DAB1: variants seen among roughly 807,000 people sequenced by gnomAD.
The protein encoded by DAB1 is DAB adaptor protein 1, also known as disabled homolog 1.
DAB1 carries 15 observed loss-of-function variants against 64.6 expected under a neutral mutation model. That is an observed-to-expected ratio of 0.23 (90% confidence interval 0.16 to 0.36). The LOEUF (loss-of-function observed/expected upper bound fraction) is 0.36. Among genes scored for constraint, DAB1 ranks in the 10% least tolerant of loss-of-function variants. The pLI, the probability that DAB1 is intolerant of heterozygous loss-of-function variation, is 1.00. For missense variants in DAB1, 596 were observed against 706.7 expected, an observed-to-expected ratio of 0.84 and a Z score of 1.78; for synonymous variants, 235 against 251.9, an observed-to-expected ratio of 0.93 and a Z score of 0.64.
chr1:58,015,450 T>C (rs1646725304), intron 5 of DAB1, among the ~76,000 whole-genome samples: 1 of 152,172 alleles, frequency 6.6e-6, no homozygotes, highest in African/African-American at 2.4e-5. Flanking sequence ...CCACAAGCTG[T>C]ACTTCTGATT....
rs76158924 is a variant in DAB1, at chr1:57,214,100, T to A, written c.68-68671A>T. On this transcript the variant is annotated intron_variant, in intron 2 of 14. Coordinates refer to ENST00000371236, the MANE Select transcript of DAB1 (RefSeq NM_001365792.1). ...CAAATACTTGAGACAGGACAATTTATAAAGAACAGACATTTGTTTCTCACA... is the reference window on the plus strand; with the variant it reads ...CAAATACTTGAGACAGGACAATTTAAAAAGAACAGACATTTGTTTCTCACA... 9.5e-3 allele frequency among the ~76,000 whole-genome samples: 1,444 copies of A among 152,290 alleles called. 31 individuals are homozygous for A. The highest frequency in any genetic ancestry group is 0.033 in the African/African-American group (1,379 of 41,558).
Position 57,569,928 on chromosome 1 carries a change from C to G in DAB1, n.625+79664G>C, listed in dbSNP as rs538169881. Among the ~76,000 whole-genome samples the G allele has an allele frequency of 2.6e-5, 4 of 152,102 alleles. No homozygotes were observed. In the South Asian group the frequency reaches 8.3e-4, roughly 32 times the overall value. On this transcript the variant is annotated intron_variant and non_coding_transcript_variant, in intron 7 of 20. Coordinates refer to the DAB1 transcript ENST00000485760. ...TGTATTATGTTAGGTGCAATTACAA[C>G]CTTATTATTGTCTTTATTTGAAGAT...
chr1:58,144,932 C>T (rs576485523), intron 5 of DAB1, among the ~76,000 whole-genome samples: 8 of 152,238 alleles, frequency 5.3e-5, no homozygotes, highest in Admixed American at 2.6e-4. Flanking sequence ...CCTTCTATAG[C>T]TAACAAACAC....
intron 4 of DAB1, among the ~76,000 whole-genome samples, chr1:57,133,044 C>T (rs775688376): frequency 1.3e-5 from 2 of 152,140 alleles, no homozygotes; most frequent in African/African-American, 2.4e-5. Flanking sequence ...CTGGCTTTCC[C>T]ATCTGCCAAA....
At chr1:57,563,696 C>G (rs955352397) in intron 7 of DAB1, among the ~76,000 whole-genome samples, 10 of 152,170 alleles carry the variant, frequency 6.6e-5, no homozygotes, top group African/African-American at 2.4e-4. Flanking sequence ...TCATTGCTAG[C>G]ACAGCAGTCT....
At chr1:57,931,295 G>A (rs1401276821) in intron 5 of DAB1, among the ~76,000 whole-genome samples, 1 of 152,118 alleles carries the variant, frequency 6.6e-6, no homozygotes. Context: ...ATGCTCATGA[G>A]TGATATTGGT....
chr1:57,968,064 T>G (rs761578165), intron 5 of DAB1, among the ~76,000 whole-genome samples: 2 of 152,196 alleles, frequency 1.3e-5, no homozygotes, highest in Non-Finnish European at 2.9e-5. Context: ...TTCCTAGGAC[T>G]CAGCAGATGC....
At chr1:57,245,058 C>T (rs2100493588) in intron 2 of DAB1, among the ~76,000 whole-genome samples, 1 of 152,248 alleles carries the variant, frequency 6.6e-6, no homozygotes, top group Non-Finnish European at 1.5e-5. Flanking sequence ...TTTGGAACTT[C>T]CCAGAGACTT....
chr1:58,511,447 A>G (rs1646075340), intron 2 of DAB1, among the ~76,000 whole-genome samples: 1 of 152,138 alleles, frequency 6.6e-6, no homozygotes, highest in Non-Finnish European at 1.5e-5. Flanking sequence ...CAGGAGTCCA[A>G]GACCAACCTG....
At chr1:58,218,420 G>A (rs1392043818) in intron 4 of DAB1, among the ~76,000 whole-genome samples, 1 of 152,164 alleles carries the variant, frequency 6.6e-6, no homozygotes, top group African/African-American at 2.4e-5. Context: ...CAGCTTTGGG[G>A]AGCAGAAAGT....
At chr1:57,612,481 G>A (rs1487678025) in intron 7 of DAB1, among the ~76,000 whole-genome samples, 1 of 152,112 alleles carries the variant, frequency 6.6e-6, no homozygotes, top group Admixed American at 6.6e-5. Context: ...GTCAGAGAGA[G>A]AAGATGTAAG....
At chr1:57,092,213 C>A (rs1653749811) in intron 4 of DAB1, among the ~76,000 whole-genome samples, 1 of 152,214 alleles carries the variant, frequency 6.6e-6, no homozygotes, top group African/African-American at 2.4e-5. Flanking sequence ...TTATTGACTA[C>A]TTCCTGCGTT....
chr1:57,900,223 G>A (rs1362315751), intron 5 of DAB1, among the ~76,000 whole-genome samples: 2 of 152,122 alleles, frequency 1.3e-5, no homozygotes, highest in Non-Finnish European at 2.9e-5. Context: ...TGCTATTAGG[G>A]GAAAATTGCA....
intron 5 of DAB1, among the ~76,000 whole-genome samples, chr1:58,126,615 C>A (rs821533): frequency 6.7e-6 from 1 of 148,960 alleles, no homozygotes; most frequent in Non-Finnish European, 1.5e-5. Flanking sequence ...CCCTACCCCC[C>A]ACCCCACAAC....
chr1:57,361,431 C>G (rs2100898678), intron 1 of DAB1, among the ~76,000 whole-genome samples: 1 of 152,246 alleles, frequency 6.6e-6, no homozygotes, highest in East Asian at 1.9e-4. Context: ...GTTCTAGGAG[C>G]AACCAGATGG....
intron 3 of DAB1, among the ~76,000 whole-genome samples, chr1:58,505,150 C>A (rs1188207925): frequency 6.6e-6 from 1 of 152,132 alleles, no homozygotes; most frequent in Non-Finnish European, 1.5e-5. Context: ...CAGGGTTTCA[C>A]CCCGTTGGCC....
intron 9 of DAB1, among the ~76,000 whole-genome samples, chr1:57,059,587 G>A (rs1650173009): frequency 6.6e-6 from 1 of 152,106 alleles, no homozygotes; most frequent in African/African-American, 2.4e-5. Flanking sequence ...ATTCATCAGA[G>A]AGGCAGGTCT....
At chr1:57,623,119 C>T (rs1390205157) in intron 7 of DAB1, among the ~76,000 whole-genome samples, 1 of 152,044 alleles carries the variant, frequency 6.6e-6, no homozygotes, top group Admixed American at 6.6e-5. Context: ...GTTTGAAATC[C>T]GTGTTGGCAT....
chr1:57,103,441 C>T (rs1197134042), intron 4 of DAB1, among the ~76,000 whole-genome samples: 1 of 152,150 alleles, frequency 6.6e-6, no homozygotes, highest in Non-Finnish European at 1.5e-5. Flanking sequence ...CTCTGGTTTT[C>T]TCATTTTAAA....
Sources: gnomAD v4.1 joint callset for allele counts (sites outside exome capture counted in the v4.1 genomes callset) on GRCh38, gnomAD v4.1.1 for gene constraint, MANE v1.5 for transcripts, NCBI Gene and HGNC (gene_info 2026-07-23, HGNC 2026-07-21) for gene names.